LRMDA: variants seen among roughly 807,000 people sequenced by gnomAD.
The protein encoded by LRMDA is leucine rich melanocyte differentiation associated.
Under a neutral mutation model 29.8 loss-of-function variants are expected in LRMDA, and 18 were observed. The ratio of observed to expected loss-of-function variants is 0.60; its 90% CI spans 0.42 to 0.90. The LOEUF is 0.90. LRMDA is among the 40% of genes least tolerant of loss of function. LRMDA has a pLI of 0.00. For missense variants in LRMDA, 273 were observed against 273.9 expected (o/e 1.00, Z 0.02); for synonymous variants, 125 against 109.4 (o/e 1.14, Z -0.89).
At chr10:75,533,514 C>T (rs1383074388) in intron 2 of LRMDA, among the ~76,000 whole-genome samples, 1 of 152,134 alleles carries the variant, frequency 6.6e-6, no homozygotes, top group African/African-American at 2.4e-5. Context: ...AGAGACACTT[C>T]TGGGCATACT....
At chr10:76,528,473 G>T (rs1456257787) in intron 6 of LRMDA, among the ~76,000 whole-genome samples, 1 of 152,034 alleles carries the variant, frequency 6.6e-6, no homozygotes, top group Non-Finnish European at 1.5e-5. Flanking sequence ...ACTAACTGTG[G>T]TTAGTTCTGG....
chr10:76,181,480 C>T (rs767354659), intron 5 of LRMDA, among the ~76,000 whole-genome samples: 5 of 152,140 alleles, frequency 3.3e-5, no homozygotes, highest in Admixed American at 6.5e-5. Context: ...CCTTTTTTCC[C>T]GTGGGTGGTA....
At chr10:76,273,301 T>C (rs1235081811) in intron 5 of LRMDA, among the ~76,000 whole-genome samples, 2 of 152,182 alleles carry the variant, frequency 1.3e-5, no homozygotes, top group East Asian at 1.9e-4. Flanking sequence ...ATTCCTTTTG[T>C]TGAATTTTGT....
intron 2 of LRMDA, among the ~76,000 whole-genome samples, chr10:75,492,080 A>G (rs1844995074): frequency 6.6e-6 from 1 of 152,208 alleles, no homozygotes; most frequent in Admixed American, 6.5e-5. Flanking sequence ...GTTAATGTAG[A>G]TACACTCAGA....
intron 6 of LRMDA, among the ~76,000 whole-genome samples, chr10:76,465,525 A>G (rs933703864): frequency 1.3e-5 from 2 of 152,168 alleles, no homozygotes; most frequent in Non-Finnish European, 2.9e-5. Flanking sequence ...ACTACCTATG[A>G]AAAAGGAAAG....
chr10:76,246,325 G>C (rs1434989588), intron 5 of LRMDA, among the ~76,000 whole-genome samples: 1 of 152,206 alleles, frequency 6.6e-6, no homozygotes, highest in Non-Finnish European at 1.5e-5. Flanking sequence ...GGTCATATCA[G>C]AGATCAGGTT....
At chr10:75,594,707 C>G (rs985613522) in intron 2 of LRMDA, among the ~76,000 whole-genome samples, 1 of 152,118 alleles carries the variant, frequency 6.6e-6, no homozygotes, top group Non-Finnish European at 1.5e-5. Context: ...CTAGCATATG[C>G]GAGACAGCGT....
chr10:75,685,584 C>G (rs1191761777), intron 2 of LRMDA, among the ~76,000 whole-genome samples: 1 of 152,162 alleles, frequency 6.6e-6, no homozygotes, highest in South Asian at 2.1e-4. Context: ...TTGTCGACTT[C>G]CAGACACTGA....
At chr10:75,995,696 G>A (rs560877470) in intron 2 of LRMDA, among the ~76,000 whole-genome samples, 2 of 152,288 alleles carry the variant, frequency 1.3e-5, no homozygotes, top group Non-Finnish European at 2.9e-5. Context: ...CTCAATATTA[G>A]ACATTATTGT....
intron 5 of LRMDA, among the ~76,000 whole-genome samples, chr10:76,195,184 G>T (rs1851311408): frequency 1.3e-5 from 2 of 152,154 alleles, no homozygotes; most frequent in African/African-American, 2.4e-5. Flanking sequence ...CATCATGTTG[G>T]TGAAACAAAG....
intron 6 of LRMDA, among the ~76,000 whole-genome samples, chr10:76,502,746 CT>C (rs1842923249): frequency 6.7e-6 from 1 of 149,554 alleles, no homozygotes; most frequent in Non-Finnish European, 1.5e-5. Flanking sequence ...CCTTTTTTTT[CT>C]TTCTTTTTTT....
Position 75,974,313 on chromosome 10 carries a change from G to A in LRMDA, c.132-61695G>A, listed in dbSNP as rs56723248. 9.5e-3 allele frequency among the ~76,000 whole-genome samples: 1,444 copies of A among 152,270 alleles called. 33 individuals carry two copies. Among genetic ancestry groups the A allele is most frequent in the African/African-American group, 0.033 (1,365 of 41,546 alleles). ...AAGCATTCAGGGGATGAGCTACACA[G>A]CAAAGTGGGATGCTCAACATTGCTA... On this transcript the variant is annotated intron_variant, in intron 2 of 6. Coordinates refer to ENST00000611255, the MANE Select transcript of LRMDA (RefSeq NM_001305581.2).
At chr10:76,054,502 G>T (rs774965235) in intron 4 of LRMDA, among the ~76,000 whole-genome samples, 1 of 151,674 alleles carries the variant, frequency 6.6e-6, no homozygotes, top group Non-Finnish European at 1.5e-5. Context: ...GACAATGTGC[G>T]GTCTGTTGTC....
At chr10:76,342,271 G>A (rs1306221149) in intron 6 of LRMDA, among the ~76,000 whole-genome samples, 2 of 151,926 alleles carry the variant, frequency 1.3e-5, no homozygotes, top group South Asian at 2.1e-4. Flanking sequence ...ATTCCTGGGG[G>A]ATTAAAAACA....
chr10:76,238,632 G>A (rs868266691), intron 5 of LRMDA, among the ~76,000 whole-genome samples: 7 of 152,100 alleles, frequency 4.6e-5, no homozygotes, highest in South Asian at 2.1e-4. Context: ...CTTTCCTAAC[G>A]TCCCTAATTG....
intron 2 of LRMDA, among the ~76,000 whole-genome samples, chr10:75,892,497 A>C (rs1845508760): frequency 6.6e-6 from 1 of 152,222 alleles, no homozygotes; most frequent in African/African-American, 2.4e-5. Flanking sequence ...AGACATAAGT[A>C]ATACCATTCC....
chr10:76,003,853 G>A (rs1847602668), intron 2 of LRMDA, among the ~76,000 whole-genome samples: 1 of 152,182 alleles, frequency 6.6e-6, no homozygotes, highest in Admixed American at 6.5e-5. Flanking sequence ...ACCTGTGCCT[G>A]CCAGTCCTTA....
chr10:75,498,828 T>A (rs966073624), intron 2 of LRMDA, among the ~76,000 whole-genome samples: 5 of 151,382 alleles, frequency 3.3e-5, no homozygotes, highest in African/African-American at 7.3e-5. Context: ...GAGGATGGGG[T>A]GAGTTGGCAA....
chr10:75,652,610 C>T (rs1414948069), intron 2 of LRMDA, among the ~76,000 whole-genome samples: 2 of 152,188 alleles, frequency 1.3e-5, no homozygotes, highest in African/African-American at 2.4e-5. Flanking sequence ...CTAGAACTGA[C>T]TTTCTCATAA....
Sources: gnomAD v4.1 joint callset for allele counts (sites outside exome capture counted in the v4.1 genomes callset) on GRCh38, gnomAD v4.1.1 for gene constraint, MANE v1.5 for transcripts, NCBI Gene and HGNC (gene_info 2026-07-23, HGNC 2026-07-21) for gene names.